Variants in NIN observed in about 807,000 individuals in gnomAD.
NIN encodes the protein glycogen synthase kinase 3 beta-interacting protein.
A neutral mutation model predicts 257.6 loss-of-function variants in NIN; 137 were observed. The observed-to-expected ratio is 0.53, with a 90% confidence interval of 0.46 to 0.61. The LOEUF (loss-of-function observed/expected upper bound fraction) is 0.61, where lower values mean the gene tolerates loss of function less well. Ranked by LOEUF, NIN falls within the 20% of genes least tolerant of loss-of-function variation. The probability of loss-of-function intolerance (pLI) is 0.00; values close to 1 mark genes in which losing one functional copy is unlikely to be tolerated. For missense variants in NIN, 2,439 were observed against 2,501.2 expected (o/e 0.98, Z 0.53); for synonymous variants, 918 against 919.8 (o/e 1.00, Z 0.04).
intron 4 of NIN, among the ~76,000 whole-genome samples, chr14:50,804,786 A>G (rs771291830): frequency 6.6e-6 from 1 of 151,900 alleles, no homozygotes; most frequent in Non-Finnish European, 1.5e-5. Flanking sequence ...ATGATTGCTG[A>G]TGAGCTAGGA....
chr14:50,816,228 G>A (rs1360937147), intron 3 of NIN, among the ~76,000 whole-genome samples: 1 of 152,148 alleles, frequency 6.6e-6, no homozygotes, highest in Non-Finnish European at 1.5e-5. Context: ...GGGGGAGGGA[G>A]AGCATCAGGA....
chr14:50,790,600 G>T (rs899515298), intron 5 of NIN, among the ~76,000 whole-genome samples: 1 of 152,300 alleles, frequency 6.6e-6, no homozygotes, highest in Admixed American at 6.5e-5. Flanking sequence ...GAAATCCAGA[G>T]AAATGACCCT....
intron 29 of NIN, among the ~76,000 whole-genome samples, chr14:50,729,262 T>A (rs1184103086): frequency 7.2e-6 from 1 of 139,362 alleles, no homozygotes; most frequent in East Asian, 1.9e-4. Context: ...TTTGTTTTTT[T>A]TTTTTTTAAT....
At chr14:50,772,043 C>A in intron 9 of NIN, 1 of 361,164 alleles carries the variant, frequency 2.8e-6, no homozygotes, top group Non-Finnish European at 5.0e-6. Flanking sequence ...AACAACAACA[C>A]TATCTGGCCC....
At chr14:50,778,886 C>T in intron 5 of NIN, 82 bp from the exon 6 acceptor site, 1 of 1,402,360 alleles carries the variant, frequency 7.1e-7, no homozygotes, top group Non-Finnish European at 1.0e-6. Flanking sequence ...GCAGATCACT[C>T]TCTGGCTCTG....
In NIN at chr14:50,752,592, C is replaced by T; in HGVS notation, c.4876G>A (p.Gly1626Arg). 1 of 1,614,032 alleles carries T rather than the reference C, an allele frequency of 6.2e-7. No individual in the cohort carries two copies. The highest frequency in any genetic ancestry group is 8.5e-7 in the Non-Finnish European group (1 of 1,179,972). ...TCCCGTTCCTCCAATGCACTGTTTCCTGGCTCTTTTTCCTTCTGGCATAGC... is the reference window on the plus strand; with the variant it reads ...TCCCGTTCCTCCAATGCACTGTTTCTTGGCTCTTTTTCCTTCTGGCATAGC... ...EMLCQKEKEP[G>R]NSALEEREQE... The change falls in exon 21 of 31, where the codon GGA becomes AGA. Residue 1626 changes from glycine (G) to arginine (R), a missense_variant. By Grantham distance (125) the Gly-to-Arg change is moderately radical. Coordinates refer to ENST00000530997, the MANE Select transcript of NIN (RefSeq NM_020921.4).
chr14:50,778,086 C>T (rs1264255988), intron 6 of NIN, among the ~76,000 whole-genome samples: 1 of 152,230 alleles, frequency 6.6e-6, no homozygotes, highest in East Asian at 1.9e-4. Context: ...ACAGTGCCAT[C>T]TGGTGGCCAG....
intron 3 of NIN, among the ~76,000 whole-genome samples, chr14:50,814,155 G>C (rs760166501): frequency 2.6e-5 from 4 of 152,020 alleles, no homozygotes; most frequent in African/African-American, 4.8e-5. Flanking sequence ...AGAGGCAAAG[G>C]CTATTTTAAA....
At chr14:50,760,999 A>G (rs2042253859) in intron 16 of NIN, among the ~76,000 whole-genome samples, 1 of 152,202 alleles carries the variant, frequency 6.6e-6, no homozygotes, top group Non-Finnish European at 1.5e-5. Flanking sequence ...AAATTCAAAT[A>G]TTAATTGAAC....
chr14:50,775,333 G>A (rs568285524), intron 7 of NIN, among the ~76,000 whole-genome samples: 34 of 152,230 alleles, frequency 2.2e-4, no homozygotes, highest in African/African-American at 7.0e-4. Flanking sequence ...TCTTGCTTTC[G>A]GAAAGGAGTG....
intron 29 of NIN, among the ~76,000 whole-genome samples, chr14:50,728,355 G>GATTTTAAAGCTC (rs2040517418): frequency 6.6e-6 from 1 of 152,148 alleles, no homozygotes; most frequent in African/African-American, 2.4e-5. Context: ...TCCAAAAACA[G>GATTTTAAAGCTC]ATTTTAAAGC....
intron 26 of NIN, among the ~76,000 whole-genome samples, chr14:50,738,999 A>G (rs945967852): frequency 6.6e-6 from 1 of 151,716 alleles, no homozygotes; most frequent in Non-Finnish European, 1.5e-5. Context: ...TTTTTGTACT[A>G]CTAGTCTTGG....
chr14:50,748,610 C>T (rs948210025), intron 21 of NIN, among the ~76,000 whole-genome samples: 2 of 152,170 alleles, frequency 1.3e-5, no homozygotes, highest in Admixed American at 6.5e-5. Flanking sequence ...AGCTGATAAG[C>T]AACTTCAGCA....
At chr14:50,767,886 T>C (rs1285433020) in intron 12 of NIN, among the ~76,000 whole-genome samples, 1 of 152,018 alleles carries the variant, frequency 6.6e-6, no homozygotes, top group Non-Finnish European at 1.5e-5. Flanking sequence ...TTATATTTAA[T>C]TTATAAATTT....
At chr14:50,771,305 G>A in intron 10 of NIN, 27 bp downstream of exon 10, 4 of 1,611,360 alleles carry the variant, frequency 2.5e-6, no homozygotes, top group Non-Finnish European at 3.4e-6. Flanking sequence ...AAGGGAATGG[G>A]GCAGGCGAAC....
rs2042696805 is a variant in NIN, at chr14:50,770,771, T to C, written c.1259+81A>G. 111 of 1,499,096 alleles carry C rather than the reference T, an allele frequency of 7.4e-5. 2 individuals are homozygous for C. In the South Asian group the frequency reaches 1.4e-3, roughly 19 times the overall value. The allele number at this position is 1,499,096 out of a possible 1,614,324, so 92.9% of individuals were successfully genotyped here. A position where few individuals can be genotyped will look rare whatever the true frequency, so the allele number is the denominator to read the frequency against. On this transcript the variant is annotated intron_variant, in intron 11 of 30. Coordinates refer to ENST00000530997, the MANE Select transcript of NIN (RefSeq NM_020921.4). ...CTGACCAGAAGAGTCCCCAGTGCACTGTTCTGCCCCTGCAGCTGCAGGCGC... is the reference window on the plus strand; with the variant it reads ...CTGACCAGAAGAGTCCCCAGTGCACCGTTCTGCCCCTGCAGCTGCAGGCGC...
At chr14:50,812,387 C>T (rs1217522035) in intron 3 of NIN, among the ~76,000 whole-genome samples, 1 of 152,190 alleles carries the variant, frequency 6.6e-6, no homozygotes, top group Non-Finnish European at 1.5e-5. Flanking sequence ...TCAGGGAAAT[C>T]CCTTGCTGCT....
Position 50,752,699 on chromosome 14 carries a change from T to A in NIN, c.4769A>T (p.Asp1590Val), listed in dbSNP as rs1282894829. 6.2e-7 allele frequency: 1 copy of A among 1,603,564 alleles called. No individual in the cohort carries two copies. Among genetic ancestry groups the A allele is most frequent in the Admixed American group, 1.7e-5 (1 of 58,968 alleles). ...TTGGCTAAGTTCTGTATTTTCCAAA[T>A]CCAATTGTTGGTTTTTGATTTTTAA... is the stretch of plus-strand genomic sequence containing the variant. Reference protein sequence around the residue: ...SELKIKNQQLDLENTELSQKN... With the variant: ...SELKIKNQQLVLENTELSQKN... Residue 1590 changes from aspartate (D) to valine (V), a missense_variant, in exon 21 of 31, where the codon GAT becomes GTT. Coordinates refer to ENST00000530997, the MANE Select transcript of NIN (RefSeq NM_020921.4).
chr14:50,805,274 A>G (rs183781668), intron 4 of NIN, among the ~76,000 whole-genome samples: 102 of 152,300 alleles, frequency 6.7e-4, no homozygotes, highest in Middle Eastern at 3.4e-3. Context: ...AGACAACCTT[A>G]AAAAAGTGAA....
Sources: allele counts gnomAD v4.1 joint callset (sites outside exome capture counted in the v4.1 genomes callset), GRCh38; gene constraint gnomAD v4.1.1; transcripts MANE v1.5; gene names NCBI Gene and HGNC (gene_info 2026-07-23, HGNC 2026-07-21).